ARHGEF3: variants seen among roughly 807,000 people sequenced by gnomAD.
ARHGEF3 encodes 59.8 kDA protein.
Under a neutral mutation model 63.2 loss-of-function variants are expected in ARHGEF3, and 28 were observed. The observed-to-expected ratio is 0.44, with a 90% CI of 0.33 to 0.61. The LOEUF (loss-of-function observed/expected upper bound fraction) is 0.61. ARHGEF3 is among the 20% of genes least tolerant of loss of function. The pLI is 0.03. For synonymous variants in ARHGEF3, 266 were observed against 254.2 expected (o/e 1.05, Z -0.44); for missense variants, 533 against 659.3 (o/e 0.81, Z 2.10).
At chr3:57,034,379 C>G (rs949979611) in intron 2 of ARHGEF3, among the ~76,000 whole-genome samples, 2 of 151,756 alleles carry the variant, frequency 1.3e-5, no homozygotes, top group African/African-American at 4.8e-5. Context: ...CAGGGTCTGC[C>G]TTTGCCTCCT....
chr3:56,882,228 C>T, intron 4 of ARHGEF3: 4 of 1,478,348 alleles, frequency 2.7e-6, no homozygotes, highest in South Asian at 1.2e-5. Context: ...ATATTATTAA[C>T]AAATAACCTT....
At chr3:56,960,730 AC>A (rs1343339456) in intron 2 of ARHGEF3, 7 of 152,084 alleles carry the variant, frequency 4.6e-5, no homozygotes, top group South Asian at 2.1e-4. Context: ...AGCAATAAAA[AC>A]CCAGGCTAAT....
At chr3:56,817,100 C>T (rs1425297807) in intron 4 of ARHGEF3, among the ~76,000 whole-genome samples, 1 of 152,200 alleles carries the variant, frequency 6.6e-6, no homozygotes, top group African/African-American at 2.4e-5. Flanking sequence ...ACAGTGTGCT[C>T]TTCCACCTTC....
At chr3:56,870,380 A>T (rs1201099336) in intron 4 of ARHGEF3, among the ~76,000 whole-genome samples, 3 of 152,228 alleles carry the variant, frequency 2.0e-5, no homozygotes, top group African/African-American at 7.2e-5. Context: ...AAAAGGCTAT[A>T]TACTGTATCC....
At chr3:56,925,194 T>C (rs1023011882) in intron 3 of ARHGEF3, among the ~76,000 whole-genome samples, 62 of 152,352 alleles carry the variant, frequency 4.1e-4, no homozygotes, top group African/African-American at 1.5e-3. Context: ...GTAGACTGGG[T>C]AGCCACAGCC....
chr3:57,070,344 T>A (rs1676285564), intron 1 of ARHGEF3, among the ~76,000 whole-genome samples: 1 of 152,316 alleles, frequency 6.6e-6, no homozygotes, highest in East Asian at 1.9e-4. Flanking sequence ...AAGCCTTAAA[T>A]TAGACACTAC....
intron 6 of ARHGEF3, among the ~76,000 whole-genome samples, chr3:56,746,060 A>G (rs573442420): frequency 6.6e-6 from 1 of 152,356 alleles, no homozygotes; most frequent in African/African-American, 2.4e-5. Flanking sequence ...GACACATCCC[A>G]TCAGTCACAC....
At chr3:56,963,553 T>G (rs1279897520) in intron 2 of ARHGEF3, among the ~76,000 whole-genome samples, 2 of 152,232 alleles carry the variant, frequency 1.3e-5, no homozygotes, top group Non-Finnish European at 2.9e-5. Context: ...GTCAGCAAGT[T>G]GTATATGTTT....
intron 1 of ARHGEF3, among the ~76,000 whole-genome samples, chr3:57,064,177 G>A (rs1705393552): frequency 6.6e-6 from 1 of 152,210 alleles, no homozygotes; most frequent in African/African-American, 2.4e-5. Context: ...GCTGAGGTCA[G>A]AGGATTGCTT....
chr3:56,955,177 TTTTC>T (rs1329367803), intron 3 of ARHGEF3, among the ~76,000 whole-genome samples: 1 of 130,918 alleles, frequency 7.6e-6, no homozygotes, highest in African/African-American at 2.7e-5. Flanking sequence ...CACTGATCCT[TTTTC>T]TTTTTTTTTT....
intron 1 of ARHGEF3, among the ~76,000 whole-genome samples, chr3:56,795,482 T>A (rs1461925103): frequency 2.0e-5 from 3 of 152,160 alleles, no homozygotes; most frequent in African/African-American, 7.2e-5. Context: ...TCATTCAGCT[T>A]CAATTAACTG....
intron 2 of ARHGEF3, among the ~76,000 whole-genome samples, chr3:56,969,751 T>G (rs372835877): frequency 4.1e-5 from 1 of 24,612 alleles, no homozygotes. Flanking sequence ...AGACTCCGTA[T>G]CAAAAAAAAA....
At chr3:56,809,126 T>C (rs1468610669) in intron 4 of ARHGEF3, among the ~76,000 whole-genome samples, 1 of 152,104 alleles carries the variant, frequency 6.6e-6, no homozygotes, top group Non-Finnish European at 1.5e-5. Flanking sequence ...AACAGGGCAA[T>C]GAATCAAGTC....
chr3:57,018,468 C>T lies in ARHGEF3; in HGVS notation c.62+16620G>A, dbSNP rs533298035. Among the ~76,000 whole-genome samples, 2 of 152,106 alleles carry T rather than the reference C, an allele frequency of 1.3e-5. 1 individual carries two copies. The highest frequency in any genetic ancestry group is 2.9e-5 in the Non-Finnish European group (2 of 68,042). On this transcript the variant is annotated intron_variant, in intron 2 of 12. Coordinates refer to the ARHGEF3 transcript ENST00000338458. ...CCTATAATTAGCCTCATTTTACATG[C>T]AAGGAAAGCAGAGCAAAGAGAGCTT...
intron 1 of ARHGEF3, among the ~76,000 whole-genome samples, chr3:57,057,465 T>C (rs943814808): frequency 6.6e-6 from 1 of 152,168 alleles, no homozygotes; most frequent in African/African-American, 2.4e-5. Flanking sequence ...ATAATTTTAC[T>C]TGCATTCATG....
At chr3:56,852,666 A>AC (rs2108153143) in intron 4 of ARHGEF3, among the ~76,000 whole-genome samples, 1 of 151,040 alleles carries the variant, frequency 6.6e-6, no homozygotes, top group East Asian at 2.0e-4. Flanking sequence ...AAGAAAAAAA[A>AC]AACCTACCGA....
chr3:56,946,497 C>T (rs1699505975), intron 3 of ARHGEF3, among the ~76,000 whole-genome samples: 1 of 152,010 alleles, frequency 6.6e-6, no homozygotes, highest in African/African-American at 2.4e-5. Context: ...CCTCAGCAGC[C>T]GATTCGATCA....
chr3:56,908,251 A>G (rs1168971599), intron 3 of ARHGEF3, among the ~76,000 whole-genome samples: 1 of 152,224 alleles, frequency 6.6e-6, no homozygotes, highest in Admixed American at 6.5e-5. Flanking sequence ...TGCACCAGAG[A>G]ACAAAGTGCC....
intron 2 of ARHGEF3, among the ~76,000 whole-genome samples, chr3:56,772,926 A>G (rs1451731871): frequency 6.6e-6 from 1 of 152,216 alleles, no homozygotes; most frequent in African/African-American, 2.4e-5. Context: ...AAAAAATAAA[A>G]GCAAGACCTA....
Sources: gnomAD v4.1 joint callset for allele counts (sites outside exome capture counted in the v4.1 genomes callset) on GRCh38, gnomAD v4.1.1 for gene constraint, MANE v1.5 for transcripts, NCBI Gene and HGNC (gene_info 2026-07-23, HGNC 2026-07-21) for gene names.